ZNF536: variants seen among roughly 807,000 people sequenced by gnomAD.
ZNF536 encodes the protein zinc finger protein 536.
ZNF536 carries 13 observed loss-of-function variants against 84.5 expected under a neutral mutation model. That is an observed-to-expected ratio of 0.15 (90% confidence interval 0.10 to 0.24). ZNF536 has a LOEUF of 0.24. ZNF536 is among the 10% of genes least tolerant of loss of function. ZNF536 has a pLI of 1.00. For synonymous variants in ZNF536, 811 were observed against 742.5 expected (o/e 1.09, Z -1.50); for missense variants, 1,536 against 1,747.5 (o/e 0.88, Z 2.16).
intron 2 of ZNF536, among the ~76,000 whole-genome samples, chr19:30,501,898 T>G (rs1211314581): frequency 6.6e-6 from 1 of 152,144 alleles, no homozygotes; most frequent in African/African-American, 2.4e-5. Flanking sequence ...ATTCCAATAA[T>G]GGAACACTAG....
chr19:30,635,070 GTGTGTGTGT>G (rs1568623090), intron 1 of ZNF536, among the ~76,000 whole-genome samples: 9 of 150,572 alleles, frequency 6.0e-5, no homozygotes, highest in Middle Eastern at 3.4e-3. Flanking sequence ...AAAGCTGGGT[GTGTGTGTGT>G]GTGTGTGTGT....
upstream of ZNF536, among the ~76,000 whole-genome samples, chr19:30,368,460 C>T (rs1268853488): frequency 1.3e-5 from 2 of 152,142 alleles, no homozygotes; most frequent in African/African-American, 4.8e-5. Context: ...GTCACACGGA[C>T]GTCCTGCTGA....
intron 2 of ZNF536, among the ~76,000 whole-genome samples, chr19:30,457,363 C>T (rs2052903250): frequency 6.6e-6 from 1 of 152,238 alleles, no homozygotes; most frequent in Non-Finnish European, 1.5e-5. Flanking sequence ...GCTGTTCTTT[C>T]CCTGGCTGGG....
chr19:30,436,319 T>A (rs1410346818), intron 1 of ZNF536, among the ~76,000 whole-genome samples: 1 of 152,200 alleles, frequency 6.6e-6, no homozygotes, highest in Non-Finnish European at 1.5e-5. Context: ...TGTCTACACA[T>A]CAGTCAAAAT....
intron 1 of ZNF536, among the ~76,000 whole-genome samples, chr19:30,565,854 C>T (rs1234706993): frequency 6.6e-6 from 1 of 152,100 alleles, no homozygotes; most frequent in Admixed American, 6.5e-5. Context: ...GTTGCAGAGT[C>T]AGGGAGGGGA....
chr19:30,527,163 C>T (rs2044619761), intron 2 of ZNF536, among the ~76,000 whole-genome samples: 1 of 150,928 alleles, frequency 6.6e-6, no homozygotes, highest in Admixed American at 6.6e-5. Flanking sequence ...GTGGTCTGCC[C>T]ACCTCAGCCT....
chr19:30,631,052 C>T (rs2048869306), intron 1 of ZNF536, among the ~76,000 whole-genome samples: 1 of 152,170 alleles, frequency 6.6e-6, no homozygotes, highest in African/African-American at 2.4e-5. Context: ...ATCAGAGGCT[C>T]CAGGCTCCAT....
chr19:30,650,866 T>C (rs909765834), intron 1 of ZNF536, among the ~76,000 whole-genome samples: 1 of 152,204 alleles, frequency 6.6e-6, no homozygotes, highest in African/African-American at 2.4e-5. Context: ...CGCTGGGACG[T>C]TGGAGCATAC....
chr19:30,538,247 T>C (rs747461617), intron 3 of ZNF536, among the ~76,000 whole-genome samples: 21 of 152,072 alleles, frequency 1.4e-4, no homozygotes, highest in Non-Finnish European at 2.5e-4. Context: ...AAAACAAAAA[T>C]ACATGTACTC....
At chr19:30,617,541 T>G (rs555851528) in intron 1 of ZNF536, among the ~76,000 whole-genome samples, 18 of 151,294 alleles carry the variant, frequency 1.2e-4, no homozygotes, top group South Asian at 2.1e-4. Context: ...TAGTAGAGAC[T>G]GGGTTTCACT....
intron 1 of ZNF536, among the ~76,000 whole-genome samples, chr19:30,375,533 C>T (rs1318680658): frequency 6.6e-6 from 1 of 152,176 alleles, no homozygotes; most frequent in East Asian, 1.9e-4. Flanking sequence ...CTGGGGAGCT[C>T]ACCCCCTCCA....
chr19:30,441,672 G>A (rs2052056248), intron 1 of ZNF536, among the ~76,000 whole-genome samples: 1 of 152,196 alleles, frequency 6.6e-6, no homozygotes, highest in South Asian at 2.1e-4. Flanking sequence ...GCCCCCAGAA[G>A]CAAAAAGGAA....
intron 2 of ZNF536, among the ~76,000 whole-genome samples, chr19:30,308,300 G>C (rs548809394): frequency 6.6e-6 from 1 of 152,234 alleles, no homozygotes; most frequent in South Asian, 2.1e-4. Flanking sequence ...CTTGATTGCT[G>C]TGGCATTATT....
chr19:30,361,058 C>A (rs2048257688), intron 3 of ZNF536, among the ~76,000 whole-genome samples: 1 of 152,196 alleles, frequency 6.6e-6, no homozygotes, highest in African/African-American at 2.4e-5. Context: ...TGACAACTTG[C>A]CGGCTTTTCC....
chr19:30,306,849 T>C (rs1413920539), intron 2 of ZNF536, among the ~76,000 whole-genome samples: 2 of 152,142 alleles, frequency 1.3e-5, no homozygotes, highest in Non-Finnish European at 2.9e-5. Context: ...AAAAGATTTG[T>C]GAGCAAAAAG....
intron 2 of ZNF536, among the ~76,000 whole-genome samples, chr19:30,472,280 G>A (rs1406947325): frequency 2.8e-5 from 4 of 145,136 alleles, no homozygotes; most frequent in Non-Finnish European, 6.0e-5. Context: ...CATCTTGCAT[G>A]CAAATTTTGA....
chr19:30,587,854 G>T (rs762633608), intron 1 of ZNF536, among the ~76,000 whole-genome samples: 3 of 152,252 alleles, frequency 2.0e-5, no homozygotes, highest in Non-Finnish European at 4.4e-5. Flanking sequence ...CATTAAATTT[G>T]CAGCCTGTAG....
chr19:30,332,906 C>T (rs934635857), intron 2 of ZNF536, among the ~76,000 whole-genome samples: 1 of 152,118 alleles, frequency 6.6e-6, no homozygotes, highest in African/African-American at 2.4e-5. Flanking sequence ...TATGGTGAAA[C>T]CCATGTCTCT....
intron 2 of ZNF536, among the ~76,000 whole-genome samples, chr19:30,518,824 G>T (rs983622746): frequency 5.3e-5 from 8 of 152,172 alleles, no homozygotes; most frequent in Admixed American, 5.2e-4. Context: ...AGCAGTCAGT[G>T]TTGGGTGATG....
Sources: gnomAD v4.1 joint callset for allele counts (sites outside exome capture counted in the v4.1 genomes callset) on GRCh38, gnomAD v4.1.1 for gene constraint, MANE v1.5 for transcripts, NCBI Gene and HGNC (gene_info 2026-07-23, HGNC 2026-07-21) for gene names.